Variants in NCOR1 observed in about 807,000 individuals in gnomAD.
NCOR1 encodes the protein nuclear receptor corepressor 1, also known as protein phosphatase 1, regulatory subunit 109.
Under a neutral mutation model 288.1 loss-of-function variants are expected in NCOR1, and 63 were observed. The observed-to-expected ratio is 0.22, with a 90% CI of 0.18 to 0.27. NCOR1 has a LOEUF of 0.27. Ranked by LOEUF, NCOR1 falls within the 10% of genes least tolerant of loss-of-function variation. The probability of loss-of-function intolerance (pLI) is 1.00; values close to 1 mark genes in which losing one functional copy is unlikely to be tolerated. For missense variants in NCOR1, 2,397 were observed against 3,019.2 expected, an observed-to-expected ratio of 0.79 and a Z score of 4.83; for synonymous variants, 1,007 against 1,065.9, an observed-to-expected ratio of 0.94 and a Z score of 1.08.
chr17:16,212,528 G>A (rs768911203), intron 1 of NCOR1, among the ~76,000 whole-genome samples: 1 of 152,124 alleles, frequency 6.6e-6, no homozygotes, highest in Admixed American at 6.6e-5. Flanking sequence ...AGTATCTTAA[G>A]TAAAAGAACA....
intron 31 of NCOR1, 77 bp downstream of exon 31, chr17:16,070,088 T>G: frequency 6.7e-7 from 1 of 1,486,190 alleles, no homozygotes; most frequent in Non-Finnish European, 9.0e-7. Context: ...ATTTGATATT[T>G]ACTACTTGAC....
At chr17:16,033,512 A>G (rs1972943037) in intron 45 of NCOR1, among the ~76,000 whole-genome samples, 3 of 152,172 alleles carry the variant, frequency 2.0e-5, no homozygotes, top group Admixed American at 2.0e-4. Flanking sequence ...TGAGTTTTAT[A>G]ATGCAAAAGC....
chr17:16,153,547 G>A, intron 6 of NCOR1, 152 bp from the exon 7 acceptor site: 1 of 465,446 alleles, frequency 2.1e-6, no homozygotes, highest in Non-Finnish European at 3.8e-6. Flanking sequence ...GCTGAAATAT[G>A]CTCCAGTTAT....
At chr17:16,042,640 T>TA (rs1158840890) in intron 42 of NCOR1, among the ~76,000 whole-genome samples, 2 of 152,110 alleles carry the variant, frequency 1.3e-5, no homozygotes, top group Non-Finnish European at 1.5e-5. Context: ...GAATGGAAGG[T>TA]AGACATGTGA....
At position 16,075,697 on chromosome 17, in the gene NCOR1, G is replaced by A. The variant is rs2152770945; in HGVS notation, c.3507C>T (p.Thr1169=). The change falls in exon 27 of 46, where the codon ACC becomes ACT. Residue 1169 remains threonine, a synonymous_variant. Transcript: ENST00000268712. The part of the protein sequence containing the change: ...PSLRGSITQG[T]PALPQTGIPT... ...GTATGCCAGTCTGGGGCAGAGCCGG[G>A]GTGCCCTGCCATCAAATCAAGCATA... is the stretch of plus-strand genomic sequence containing the variant. 1.2e-6 allele frequency: 2 copies of A among 1,613,976 alleles called. No homozygotes were observed. Among genetic ancestry groups the A allele is most frequent in the South Asian group, 1.1e-5 (1 of 91,060 alleles).
In NCOR1 at chr17:16,062,229, G is replaced by A. The variant is rs1413173872; in HGVS notation, c.5263C>T (p.Arg1755Cys). ...PGRPGSHGYV[R>C]SPSPSVRTQE... ...GTTCTTACTGAAGGGGAAGGGGAGC[G>A]AACATATCCATGACTGCCAGGTCGG... The change falls in exon 36 of 46, where the codon CGC becomes TGC. Residue 1755 changes from arginine to cysteine, a missense_variant. This residue lies in a region of NCOR1 where 1,872 missense variants were observed against 2,187.8 expected (regional missense o/e 0.86). Coordinates refer to ENST00000268712, the MANE Select transcript of NCOR1 (RefSeq NM_006311.4). 2.5e-6 allele frequency: 4 copies of A among 1,612,690 alleles called. No homozygotes were observed. The highest frequency in any genetic ancestry group is 1.1e-5 in the South Asian group (1 of 90,628).
intron 4 of NCOR1, among the ~76,000 whole-genome samples, chr17:16,168,253 T>C (rs1599796542): frequency 6.6e-6 from 1 of 152,094 alleles, no homozygotes; most frequent in African/African-American, 2.4e-5. Flanking sequence ...CAGGCTGGAG[T>C]GCAATGGCAC....
intron 22 of NCOR1, 69 bp downstream of exon 22, chr17:16,091,794 A>G (rs2065223216): frequency 6.2e-7 from 1 of 1,606,250 alleles, no homozygotes; most frequent in Non-Finnish European, 8.5e-7. Flanking sequence ...AGCACAATGG[A>G]CACTGCTTTT....
intron 20 of NCOR1, among the ~76,000 whole-genome samples, chr17:16,100,657 T>G (rs906856034): frequency 6.6e-6 from 1 of 152,200 alleles, no homozygotes; most frequent in African/African-American, 2.4e-5. Flanking sequence ...AAAAAAAACT[T>G]GTAAATTAAT....
At chr17:16,186,831 T>C in intron 2 of NCOR1, 144 bp from the exon 3 acceptor site, 2 of 714,076 alleles carry the variant, frequency 2.8e-6, no homozygotes, top group South Asian at 4.1e-5. Flanking sequence ...GATCTAATTC[T>C]TCCCCTTAAA....
At chr17:16,074,661 TCA>T (rs1567851358) in intron 27 of NCOR1, among the ~76,000 whole-genome samples, 1 of 152,070 alleles carries the variant, frequency 6.6e-6, no homozygotes, top group Non-Finnish European at 1.5e-5. Flanking sequence ...TACTCCAAGG[TCA>T]CAGAGTCAGG....
intron 7 of NCOR1, among the ~76,000 whole-genome samples, chr17:16,153,102 C>CT (rs1480774591): frequency 5.9e-5 from 9 of 151,980 alleles, no homozygotes; most frequent in Non-Finnish European, 1.3e-4. Context: ...CTCATTCTGC[C>CT]TGGAAGGATT....
chr17:16,038,646 C>T (rs2056932992), intron 44 of NCOR1, among the ~76,000 whole-genome samples: 1 of 152,114 alleles, frequency 6.6e-6, no homozygotes, highest in Non-Finnish European at 1.5e-5. Flanking sequence ...TCATGTTGCC[C>T]AGGCTGGTCT....
intron 3 of NCOR1, among the ~76,000 whole-genome samples, chr17:16,185,170 T>A (rs2086374446): frequency 1.3e-5 from 2 of 152,122 alleles, no homozygotes; most frequent in African/African-American, 4.8e-5. Flanking sequence ...ATGTACAACA[T>A]GAGGACTACA....
intron 18 of NCOR1, among the ~76,000 whole-genome samples, chr17:16,112,716 C>G (rs1296144709): frequency 6.6e-6 from 1 of 152,108 alleles, no homozygotes; most frequent in African/African-American, 2.4e-5. Context: ...GTCTTGATCT[C>G]TTGAACTCGT....
rs184617871 is a variant in NCOR1 at position 16,065,098 on chromosome 17, T to C, written c.4952-79A>G. 768 of 1,298,930 alleles carry C rather than the reference T, an allele frequency of 5.9e-4. 4 individuals are homozygous for C. In the African/African-American group the frequency reaches 9.9e-3, roughly 17 times the overall value. The allele number at this position is 1,298,930 out of a possible 1,614,324, so 80.5% of individuals were successfully genotyped here. On this transcript the variant is annotated intron_variant, in intron 33 of 45. Transcript: ENST00000268712. The stretch of plus-strand genomic sequence containing the variant: ...CATACATGACTTTGGATTTTGTCTA[T>C]CTCTGTGAATCAAGGGTAATTTGTA...
chr17:16,170,840 C>CA (rs556473992), intron 4 of NCOR1, among the ~76,000 whole-genome samples: 1,021 of 73,672 alleles, frequency 0.014, 10 homozygotes, highest in African/African-American at 0.04. Context: ...GACTCCATCT[C>CA]AAAAAAAAAA....
chr17:16,084,909 T>C (rs148953121), intron 23 of NCOR1, among the ~76,000 whole-genome samples: 1 of 152,232 alleles, frequency 6.6e-6, no homozygotes, highest in African/African-American at 2.4e-5. Flanking sequence ...CAAGATTTCT[T>C]AGCAAAATAA....
At chr17:16,166,548 CG>C (rs2082041191) in intron 4 of NCOR1, among the ~76,000 whole-genome samples, 1 of 152,016 alleles carries the variant, frequency 6.6e-6, no homozygotes, top group Non-Finnish European at 1.5e-5. Flanking sequence ...GGCGTGGTGG[CG>C]GGCACCTGTA....
Sources: allele counts gnomAD v4.1 joint callset (sites outside exome capture counted in the v4.1 genomes callset), GRCh38; gene constraint gnomAD v4.1.1; regional missense constraint gnomAD v4.1.1; transcripts MANE v1.5; gene names NCBI Gene and HGNC (gene_info 2026-07-23, HGNC 2026-07-21).